NAV3: variants seen among roughly 807,000 people sequenced by gnomAD.
The protein encoded by NAV3 is neuron navigator 3.
In NAV3, 87 loss-of-function variants were observed where a neutral mutation model predicts 244.7. That is an observed-to-expected ratio of 0.36 (90% CI 0.30 to 0.42). The LOEUF is 0.42. Ranked by LOEUF, NAV3 falls within the 20% of genes least tolerant of loss-of-function variation. The pLI is 1.00. For missense variants in NAV3, 2,663 were observed against 2,893.3 expected (o/e 0.92, Z 1.83); for synonymous variants, 1,126 against 1,042.2 (o/e 1.08, Z -1.55).
intron 2 of NAV3, among the ~76,000 whole-genome samples, chr12:77,806,871 T>A (rs937389694): frequency 4.6e-5 from 7 of 152,216 alleles, no homozygotes; most frequent in Non-Finnish European, 1.0e-4. Context: ...GCATATATAT[T>A]TAGGATAGTT....
chr12:77,934,834 G>C (rs1487554563), intron 1 of NAV3, among the ~76,000 whole-genome samples: 1 of 152,064 alleles, frequency 6.6e-6, no homozygotes, highest in Non-Finnish European at 1.5e-5. Flanking sequence ...AAACAATAAT[G>C]TTTTAAATAA....
intron 2 of NAV3, among the ~76,000 whole-genome samples, chr12:77,669,927 G>A (rs1241016027): frequency 1.3e-5 from 2 of 151,890 alleles, no homozygotes; most frequent in Non-Finnish European, 2.9e-5. Context: ...CCCAAAGCCA[G>A]CAGAAGAAAA....
rs775334605 is a variant in NAV3 at position 78,188,815 on chromosome 12, T to A, written c.6055+38T>A. Reference sequence around the variant, plus strand: ...ATGAAAAGCAAGGCAGAAATATAATTTTTAGCAACATTTTATTCTGCCCCC... The same window carrying A: ...ATGAAAAGCAAGGCAGAAATATAATATTTAGCAACATTTTATTCTGCCCCC... On this transcript the variant is annotated intron_variant, in intron 33 of 39. Transcript: ENST00000397909. 14 of 1,595,436 alleles carry A rather than the reference T, an allele frequency of 8.8e-6. No homozygotes were observed. The Middle Eastern group carries it at 5.0e-4, about 57-fold the overall frequency.
chr12:77,826,456 C>T (rs1873015888), upstream of NAV3, among the ~76,000 whole-genome samples: 1 of 152,110 alleles, frequency 6.6e-6, no homozygotes, highest in Non-Finnish European at 1.5e-5. Context: ...CACACCACTG[C>T]ACTCCAGCCT....
At chr12:78,147,692 C>T (rs1334128127) in intron 21 of NAV3, among the ~76,000 whole-genome samples, 5 of 151,226 alleles carry the variant, frequency 3.3e-5, no homozygotes, top group African/African-American at 1.2e-4. Context: ...GCTTAGAGTT[C>T]TCTACTTTGT....
At chr12:77,900,819 A>G (rs1397123108) in intron 1 of NAV3, among the ~76,000 whole-genome samples, 2 of 152,148 alleles carry the variant, frequency 1.3e-5, no homozygotes, top group Non-Finnish European at 2.9e-5. Context: ...GTCACCCACC[A>G]AGAGTGTATA....
At chr12:78,047,379 CAGGAGGCTGAGGCAGGAGA>C (rs1430576827) in intron 9 of NAV3, among the ~76,000 whole-genome samples, 1 of 152,068 alleles carries the variant, frequency 6.6e-6, no homozygotes, top group Non-Finnish European at 1.5e-5. Context: ...CCCAGCTACT[CAGGAGGCTGAGGCAGGAGA>C]ATGGTGTGAA....
At chr12:77,978,500 A>G (rs895633663) in intron 5 of NAV3, among the ~76,000 whole-genome samples, 1 of 152,038 alleles carries the variant, frequency 6.6e-6, no homozygotes, top group African/African-American at 2.4e-5. Context: ...TTGCCATTTT[A>G]TACTATATGA....
rs61710960 is a variant in NAV3, at chr12:77,824,241, ATTTTTTT to A, written c.73-116061_73-116055del. 5.6e-4 allele frequency among the ~76,000 whole-genome samples: 59 copies of A among 104,922 alleles called. 1 individual carries two copies. The highest frequency in any genetic ancestry group is 1.8e-3 in the South Asian group (5 of 2,830). 68.8% of individuals were successfully genotyped at this position (104,922 alleles called of 152,430 possible). A position where few individuals can be genotyped will look rare whatever the true frequency, so the allele number is the denominator to read the frequency against. On this transcript the variant is annotated intron_variant, in intron 2 of 8. Coordinates refer to the NAV3 transcript ENST00000550042. ...GGCGCATGCCACCACGCCCAACTAA[ATTTTTTT>A]TTTTTTTTTTTTTTTTGTATTTTTA... is the stretch of plus-strand genomic sequence containing the variant.
rs199855126 is a variant in NAV3 at position 78,047,331 on chromosome 12, CA to C, written c.2024-2656del. Among the ~76,000 whole-genome samples the C allele has an allele frequency of 2.2e-3, 329 of 152,076 alleles. 2 individuals are homozygous for C. The highest frequency in any genetic ancestry group is 7.2e-3 in the African/African-American group (297 of 41,478). ...TGAAACCCCATCTCTACTAAAAATA[CA>C]AAAAATTAGCCAGGCCTGGCAACGG... On this transcript the variant is annotated intron_variant, in intron 9 of 39. Coordinates refer to ENST00000397909, the MANE Select transcript of NAV3 (RefSeq NM_001024383.2).
chr12:77,896,794 G>A (rs1224551979), intron 1 of NAV3, among the ~76,000 whole-genome samples: 2 of 152,094 alleles, frequency 1.3e-5, no homozygotes, highest in Non-Finnish European at 2.9e-5. Context: ...GCTGTCCTAA[G>A]TATTTTAGGA....
At chr12:77,617,255 A>G (rs191223230) in intron 2 of NAV3, among the ~76,000 whole-genome samples, 1 of 152,296 alleles carries the variant, frequency 6.6e-6, no homozygotes, top group Admixed American at 6.5e-5. Context: ...GATGTTCCCC[A>G]GTGATCCCCA....
At chr12:77,790,689 G>A (rs1871139414) in intron 2 of NAV3, among the ~76,000 whole-genome samples, 1 of 152,132 alleles carries the variant, frequency 6.6e-6, no homozygotes, top group Admixed American at 6.5e-5. Context: ...TGCAACATCT[G>A]TCTGGCTCTG....
intron 2 of NAV3, among the ~76,000 whole-genome samples, chr12:77,769,300 C>T (rs926844314): frequency 6.6e-6 from 1 of 152,150 alleles, no homozygotes; most frequent in African/African-American, 2.4e-5. Context: ...AATATGACTT[C>T]CAACCTTTCA....
In NAV3 at chr12:78,119,601, T is replaced by C. The variant is rs2138620902; in HGVS notation, c.3405T>C (p.Tyr1135=). Residue 1135 remains tyrosine, a synonymous_variant, in exon 15 of 40, where the codon TAT becomes TAC. Coordinates refer to ENST00000397909, the MANE Select transcript of NAV3 (RefSeq NM_001024383.2). ...TTAGCTCAAAGACTACCCTACAATA[T>C]CGCAGCTTGCCCCGCCCTTCAAAAT... The part of the protein sequence containing the change: ...LHVSSKTTLQ[Y]RSLPRPSKSS... The C allele has an allele frequency of 6.2e-7, 1 of 1,614,170 alleles. No homozygotes were observed. The highest frequency in any genetic ancestry group is 8.5e-7 in the Non-Finnish European group (1 of 1,180,038).
intron 2 of NAV3, among the ~76,000 whole-genome samples, chr12:77,575,633 A>C (rs1179117848): frequency 6.6e-6 from 1 of 152,142 alleles, no homozygotes; most frequent in Non-Finnish European, 1.5e-5. Flanking sequence ...AGAACAGTGA[A>C]AGCTCAATAG....
intron 2 of NAV3, among the ~76,000 whole-genome samples, chr12:77,680,404 T>G (rs748532124): frequency 1.6e-4 from 25 of 152,140 alleles, no homozygotes; most frequent in Non-Finnish European, 5.9e-5. Context: ...ATCATTTACT[T>G]AACTGTGGAT....
At chr12:77,744,852 G>T (rs1422808907) in intron 2 of NAV3, among the ~76,000 whole-genome samples, 1 of 151,696 alleles carries the variant, frequency 6.6e-6, no homozygotes, top group South Asian at 2.1e-4. Context: ...ATAATGTTTA[G>T]TATATTTATG....
At chr12:78,009,395 G>A (rs1344338612) in intron 8 of NAV3, among the ~76,000 whole-genome samples, 4 of 128,018 alleles carry the variant, frequency 3.1e-5, no homozygotes, top group African/African-American at 1.1e-4. Flanking sequence ...AGGTTGCAGT[G>A]AGCTGAGATC....
Sources: allele counts gnomAD v4.1 joint callset (sites outside exome capture counted in the v4.1 genomes callset), GRCh38; gene constraint gnomAD v4.1.1; transcripts MANE v1.5; gene names NCBI Gene and HGNC (gene_info 2026-07-23, HGNC 2026-07-21).